EVA1C: variants seen among roughly 807,000 people sequenced by gnomAD.
The protein encoded by EVA1C is eva-1 homolog C.
A neutral mutation model predicts 45.4 loss-of-function variants in EVA1C; 25 were observed. The ratio of observed to expected loss-of-function variants is 0.55; its 90% CI spans 0.40 to 0.77. The LOEUF (loss-of-function observed/expected upper bound fraction) is 0.77. Ranked by LOEUF, EVA1C falls within the 30% of genes least tolerant of loss-of-function variation. The pLI is 0.00. For synonymous variants in EVA1C, 190 were observed against 221.2 expected, an observed-to-expected ratio of 0.86 and a Z score of 1.25; for missense variants, 479 against 554.8, an observed-to-expected ratio of 0.86 and a Z score of 1.37.
intron 4 of EVA1C, among the ~76,000 whole-genome samples, chr21:32,469,925 T>C (rs547135754): frequency 6.4e-4 from 97 of 152,294 alleles, no homozygotes; most frequent in Middle Eastern, 3.4e-3. Flanking sequence ...TCTGGGCTGG[T>C]GTTTGGCCAG....
rs188831406 is a variant in EVA1C at position 32,474,795 on chromosome 21, C to T, written c.634+6947C>T. Reference sequence around the variant, plus strand: ...CAGACTGGGAATGTAGGCCTGGTGTCACAGCTTCCAACCTCATGGGATGCT... The same window carrying T: ...CAGACTGGGAATGTAGGCCTGGTGTTACAGCTTCCAACCTCATGGGATGCT... On this transcript the variant is annotated intron_variant, in intron 4 of 7. Transcript: ENST00000300255. The surrounding 1 kb of genome is among the most constrained non-coding windows in gnomAD (Gnocchi z 4.4). 9.8e-5 allele frequency among the ~76,000 whole-genome samples: 15 copies of T among 152,350 alleles called. No individual in the cohort carries two copies. Among genetic ancestry groups the T allele is most frequent in the Middle Eastern group, 6.8e-3 (2 of 294 alleles).
chr21:32,427,263 A>G lies in EVA1C; in HGVS notation c.160+14250A>G, dbSNP rs943588112. Among the ~76,000 whole-genome samples the G allele has an allele frequency of 3.3e-5, 5 of 152,200 alleles. No individual in the cohort carries two copies. In the East Asian group the frequency reaches 5.8e-4, roughly 18 times the overall value. On this transcript the variant is annotated intron_variant, in intron 1 of 7. Coordinates refer to ENST00000300255, the MANE Select transcript of EVA1C (RefSeq NM_058187.5). The stretch of plus-strand genomic sequence containing the variant: ...CCTGCAATAAAAGTAAAAACATTTG[A>G]CGATGTATATAATACATTTGTTTTT...
intron 4 of EVA1C, among the ~76,000 whole-genome samples, chr21:32,491,426 C>T (rs903443552): frequency 1.3e-5 from 2 of 151,902 alleles, no homozygotes; most frequent in South Asian, 2.1e-4. Context: ...CGGTGGCTCA[C>T]GCCTGTAATC....
intron 3 of EVA1C, among the ~76,000 whole-genome samples, chr21:32,466,398 G>C (rs1433297154): frequency 7.0e-6 from 1 of 142,062 alleles, no homozygotes; most frequent in South Asian, 2.2e-4. Context: ...CAGCCTGGGC[G>C]ACAGAGCGAG....
At chr21:32,415,614 G>C (rs554815734) in intron 1 of EVA1C, among the ~76,000 whole-genome samples, 1 of 151,656 alleles carries the variant, frequency 6.6e-6, no homozygotes, top group Non-Finnish European at 1.5e-5. Context: ...TTCCAGCATC[G>C]ATCTCACTCT....
Position 32,453,467 on chromosome 21 carries a change from A to C in EVA1C, c.316A>C (p.Arg106=), listed in dbSNP as rs747801305. 1.9e-6 allele frequency: 3 copies of C among 1,611,110 alleles called. No individual in the cohort carries two copies. The South Asian group carries it at 3.3e-5, about 18-fold the overall frequency. ...MCSSQKPASQ[R]EDSLTCVAAT... ...TAGTTCCCAGAAGCCTGCCTCCCAG[A>C]GGGAAGACAGCTTAACCTGTGTGGC... is the stretch of plus-strand genomic sequence containing the variant. The change falls in exon 2 of 8, where the codon AGG becomes CGG. Residue 106 remains arginine (R), a synonymous_variant. Coordinates refer to ENST00000300255, the MANE Select transcript of EVA1C (RefSeq NM_058187.5).
chr21:32,449,736 C>G (rs1349994893), intron 1 of EVA1C, among the ~76,000 whole-genome samples: 1 of 152,050 alleles, frequency 6.6e-6, no homozygotes, highest in Non-Finnish European at 1.5e-5. Flanking sequence ...ATTCCCCCAC[C>G]TCAGCCTCCA....
intron 1 of EVA1C, among the ~76,000 whole-genome samples, chr21:32,434,560 C>T (rs2034855210): frequency 6.6e-6 from 1 of 151,898 alleles, no homozygotes; most frequent in Non-Finnish European, 1.5e-5. Context: ...CACTGCACTC[C>T]AGCCTGGGCG....
At chr21:32,503,268 G>A (rs148529505) in intron 6 of EVA1C, among the ~76,000 whole-genome samples, 83 of 152,308 alleles carry the variant, frequency 5.4e-4, no homozygotes, top group African/African-American at 1.9e-3. Flanking sequence ...ATTATTGGCC[G>A]GGAGCAGTGG....
intron 1 of EVA1C, among the ~76,000 whole-genome samples, chr21:32,440,874 G>A (rs2035149950): frequency 6.6e-6 from 1 of 152,174 alleles, no homozygotes; most frequent in African/African-American, 2.4e-5. Flanking sequence ...GCCGAGGCGG[G>A]CAGATCACCT....
rs36096674 is a variant in EVA1C at position 32,481,509 on chromosome 21, GA to G, written c.635-13505del. ...CTCAGTCAACCCCGTGCAGCCACAA[GA>G]AAAAAAAAAAAACTAGAAGAAAAGT... is the stretch of plus-strand genomic sequence containing the variant. On this transcript the variant is annotated intron_variant, in intron 4 of 7. Transcript: ENST00000300255. Among the ~76,000 whole-genome samples the G allele has an allele frequency of 1.2e-3, 151 of 123,646 alleles. 1 individual carries two copies. The highest frequency in any genetic ancestry group is 3.1e-3 in the African/African-American group (104 of 33,218). 81.1% of individuals were successfully genotyped at this position (123,646 alleles called of 152,430 possible).
chr21:32,461,460 A>G (rs1601328857), intron 3 of EVA1C, among the ~76,000 whole-genome samples: 1 of 152,086 alleles, frequency 6.6e-6, no homozygotes. Flanking sequence ...TTGTCTCCAC[A>G]CCTTCCTGCC....
chr21:32,457,537 G>T (rs2035831054), intron 2 of EVA1C, 60 bp from the exon 3 acceptor site: 1 of 1,610,112 alleles, frequency 6.2e-7, no homozygotes, highest in Non-Finnish European at 8.5e-7. Context: ...CCCAGGTTCG[G>T]GTCTGGCAGT....
At chr21:32,463,933 G>A (rs1291489814) in intron 3 of EVA1C, among the ~76,000 whole-genome samples, 1 of 152,180 alleles carries the variant, frequency 6.6e-6, no homozygotes, top group East Asian at 1.9e-4. Context: ...ATGGTTGGAA[G>A]GGGACTTTGG....
intron 4 of EVA1C, among the ~76,000 whole-genome samples, chr21:32,494,548 C>T (rs1601415827): frequency 6.6e-6 from 1 of 152,028 alleles, no homozygotes; most frequent in African/African-American, 2.4e-5. Flanking sequence ...TTTGGGAGGC[C>T]GAAGCAGGCA....
intron 1 of EVA1C, among the ~76,000 whole-genome samples, chr21:32,449,765 G>A (rs1471400930): frequency 6.6e-6 from 1 of 151,980 alleles, no homozygotes; most frequent in Non-Finnish European, 1.5e-5. Flanking sequence ...GGGATTACGG[G>A]GGCGTGCCAC....
At chr21:32,481,591 A>C (rs2036790555) in intron 4 of EVA1C, among the ~76,000 whole-genome samples, 1 of 152,080 alleles carries the variant, frequency 6.6e-6, no homozygotes, top group Non-Finnish European at 1.5e-5. Flanking sequence ...GGACAAATTA[A>C]GTTATATTAA....
In EVA1C at chr21:32,502,920, G is replaced by C. The variant is rs138017722; in HGVS notation, c.860-1006G>C. On this transcript the variant is annotated intron_variant, in intron 6 of 7. Coordinates refer to ENST00000300255, the MANE Select transcript of EVA1C (RefSeq NM_058187.5). ...GCTGGGATTACAGGCGTAAGACACC[G>C]CACCCAGCTTCCACTTATTTTTCTA... Among the ~76,000 whole-genome samples, 35 of 152,194 alleles carry C rather than the reference G, an allele frequency of 2.3e-4. No homozygotes were observed. In the East Asian group the frequency reaches 6.4e-3, roughly 28 times the overall value.
At chr21:32,455,699 G>A (rs2035754024) in intron 2 of EVA1C, among the ~76,000 whole-genome samples, 1 of 152,078 alleles carries the variant, frequency 6.6e-6, no homozygotes, top group African/African-American at 2.4e-5. Flanking sequence ...TAGAGCATGG[G>A]CACCACCTGC....
Sources: gnomAD v4.1 joint callset for allele counts (sites outside exome capture counted in the v4.1 genomes callset) on GRCh38, gnomAD v4.1.1 for gene constraint, Gnocchi (gnomAD v3.1) non-coding constraint, MANE v1.5 for transcripts, NCBI Gene and HGNC (gene_info 2026-07-23, HGNC 2026-07-21) for gene names.